LARP4B: variants seen among roughly 807,000 people sequenced by gnomAD.
The protein encoded by LARP4B is La ribonucleoprotein 4B.
Under a neutral mutation model 89.8 loss-of-function variants are expected in LARP4B, and 12 were observed. The observed-to-expected ratio is 0.13, with a 90% CI of 0.09 to 0.22. The LOEUF (loss-of-function observed/expected upper bound fraction) is 0.22, where lower values mean the gene tolerates loss of function less well. Among genes scored for constraint, LARP4B ranks in the 10% least tolerant of loss-of-function variants. LARP4B has a pLI of 1.00. For missense variants in LARP4B, 757 were observed against 947.7 expected (o/e 0.80, Z 2.64); for synonymous variants, 367 against 363.3 (o/e 1.01, Z -0.12).
At chr10:960,652 G>A in the LARP4B span, among the ~76,000 whole-genome samples, 2 of 130,922 alleles carry the variant, frequency 1.5e-5, no homozygotes, top group African/African-American at 2.9e-5. Flanking sequence ...AGGTTGCAGT[G>A]AGCCAAGATC....
intron 1 of LARP4B, among the ~76,000 whole-genome samples, chr10:897,944 C>T (rs140692765): frequency 0.18 from 26,008 of 142,658 alleles, 2,754 homozygotes; most frequent in Admixed American, 0.31. Context: ...GCCAAGATCA[C>T]GCCACTGCAC....
intron 8 of LARP4B, among the ~76,000 whole-genome samples, chr10:833,090 T>G (rs1039976493): frequency 6.6e-5 from 10 of 151,744 alleles, no homozygotes; most frequent in Non-Finnish European, 8.8e-5. Context: ...GGCATGGTGC[T>G]CTGTGAATTA....
At chr10:904,373 G>C (rs1026125389) in intron 1 of LARP4B, among the ~76,000 whole-genome samples, 10 of 152,022 alleles carry the variant, frequency 6.6e-5, no homozygotes, top group African/African-American at 2.4e-4. Context: ...GGGCAACACA[G>C]TGAAACCCTG....
intron 3 of LARP4B, among the ~76,000 whole-genome samples, chr10:864,899 G>C (rs1002750023): frequency 6.6e-6 from 1 of 152,216 alleles, no homozygotes; most frequent in African/African-American, 2.4e-5. Flanking sequence ...GTTGCAGTAA[G>C]CTGAGATCGC....
At chr10:839,941 A>G (rs1400230823) in intron 7 of LARP4B, among the ~76,000 whole-genome samples, 3 of 152,266 alleles carry the variant, frequency 2.0e-5, no homozygotes, top group Non-Finnish European at 2.9e-5. Context: ...CCCATTTGAG[A>G]GAATACTTCC....
At chr10:863,057 T>C (rs1418894797) in intron 5 of LARP4B, among the ~76,000 whole-genome samples, 1 of 152,208 alleles carries the variant, frequency 6.6e-6, no homozygotes, top group Non-Finnish European at 1.5e-5. Flanking sequence ...AGTTCAAATG[T>C]GAATGGCTTC....
intron 3 of LARP4B, among the ~76,000 whole-genome samples, chr10:874,034 A>C (rs1307619492): frequency 6.6e-6 from 1 of 152,126 alleles, no homozygotes; most frequent in Non-Finnish European, 1.5e-5. Flanking sequence ...GAGTTTCAAG[A>C]CCAGCCTGGC....
At chr10:907,753 G>C (rs181137767) in intron 1 of LARP4B, among the ~76,000 whole-genome samples, 1 of 152,138 alleles carries the variant, frequency 6.6e-6, no homozygotes, top group South Asian at 2.1e-4. Context: ...CAGTCCTAAG[G>C]TGTTTTCAGG....
chr10:937,599 C>T, the LARP4B span, among the ~76,000 whole-genome samples: 7 of 152,166 alleles, frequency 4.6e-5, no homozygotes, highest in Non-Finnish European at 1.0e-4. Context: ...CCCCCTCCCC[C>T]ACACCACTAT....
In LARP4B at chr10:825,167, C is replaced by G; in HGVS notation, c.1382G>C (p.Arg461Thr). ...SPQTRQAGQTRTRIQNPSAYA... is the reference protein window; with the variant it reads ...SPQTRQAGQTTTRIQNPSAYA... ...TGCTGAAGGGTTTTGAATCCGTGTTCTAGTTTGACCTGCTTGCCTTGTTTG... is the reference window on the plus strand; with the variant it reads ...TGCTGAAGGGTTTTGAATCCGTGTTGTAGTTTGACCTGCTTGCCTTGTTTG... The change falls in exon 13 of 18, where the codon AGA becomes ACA. Residue 461 changes from arginine (R) to threonine (T), a missense_variant. Physicochemically the swap from Arg to Thr is moderately conservative, Grantham distance 71. Transcript: ENST00000316157. The G allele has an allele frequency of 6.2e-7, 1 of 1,614,180 alleles. No individual in the cohort carries two copies. Among genetic ancestry groups the G allele is most frequent in the Non-Finnish European group, 8.5e-7 (1 of 1,180,040 alleles).
rs781118266 is a variant in LARP4B, at chr10:817,764, G to C, written c.1656C>G (p.Asn552Lys). ...GNLKTEDLFE[N>K]RLSSLIIGPS... ...GTCCTATTATCAAGCTAGATAGCCTGTTTTCAAACAAGTCCTCTGTCTTCA... is the reference window on the plus strand; with the variant it reads ...GTCCTATTATCAAGCTAGATAGCCTCTTTTCAAACAAGTCCTCTGTCTTCA... The change falls in exon 15 of 18, where the codon AAC (asparagine) becomes AAG (lysine). Residue 552 changes from asparagine (N) to lysine (K), a missense_variant. Physicochemically the swap from Asn to Lys is moderately conservative, Grantham distance 94. This residue lies in a region of LARP4B where 387 missense variants were observed against 423.6 expected (regional missense o/e 0.91). Coordinates refer to ENST00000316157, the MANE Select transcript of LARP4B (RefSeq NM_015155.3). The C allele has an allele frequency of 6.2e-7, 1 of 1,614,200 alleles. No homozygotes were observed.
chr10:908,503 G>A (rs1238425072), intron 1 of LARP4B, among the ~76,000 whole-genome samples: 1 of 152,086 alleles, frequency 6.6e-6, no homozygotes, highest in East Asian at 1.9e-4. Flanking sequence ...AGTGGCATCA[G>A]AAGGGGCAGT....
chr10:845,569 T>C (rs1588899276), intron 5 of LARP4B, among the ~76,000 whole-genome samples: 3 of 152,336 alleles, frequency 2.0e-5, no homozygotes, highest in East Asian at 3.9e-4. Flanking sequence ...AGAATTGTCA[T>C]GTTACAGAAT....
chr10:813,260 G>C, intron 17 of LARP4B, 47 bp from the exon 18 acceptor site: 1 of 1,504,180 alleles, frequency 6.6e-7, no homozygotes, highest in Non-Finnish European at 8.9e-7. Context: ...GGTGTCTCTA[G>C]GGACAAGACA....
chr10:849,408 G>GA (rs1329379935), intron 5 of LARP4B, among the ~76,000 whole-genome samples: 1 of 152,124 alleles, frequency 6.6e-6, no homozygotes, highest in African/African-American at 2.4e-5. Flanking sequence ...GCCAAAGCTA[G>GA]AAGAACAATT....
chr10:929,915 G>T (rs1229478973), intron 1 of LARP4B, among the ~76,000 whole-genome samples: 3 of 151,888 alleles, frequency 2.0e-5, no homozygotes, highest in Non-Finnish European at 2.9e-5. Context: ...CTTTCGGAAC[G>T]CATTTCACTT....
intron 7 of LARP4B, 59 bp from the exon 8 acceptor site, chr10:836,565 G>A (rs1050075955): frequency 3.6e-6 from 4 of 1,099,958 alleles, no homozygotes; most frequent in Non-Finnish European, 2.8e-6. Flanking sequence ...ATATGCCAGT[G>A]GAATGTGTTA....
chr10:930,457 G>C (rs1837265687), intron 1 of LARP4B, among the ~76,000 whole-genome samples: 1 of 152,204 alleles, frequency 6.6e-6, no homozygotes, highest in South Asian at 2.1e-4. Context: ...CCAGATAGGA[G>C]GTAGTTTTCT....
chr10:864,885 G>A (rs373800847), intron 3 of LARP4B, among the ~76,000 whole-genome samples: 5 of 152,162 alleles, frequency 3.3e-5, no homozygotes, highest in Admixed American at 1.3e-4. Flanking sequence ...CCCAGGAGGC[G>A]GGGGTTGCAG....
Sources: gnomAD v4.1 joint callset for allele counts (sites outside exome capture counted in the v4.1 genomes callset) on GRCh38, gnomAD v4.1.1 for gene constraint, gnomAD v4.1.1 regional missense constraint, MANE v1.5 for transcripts, NCBI Gene and HGNC (gene_info 2026-07-23, HGNC 2026-07-21) for gene names.